The following C12orf75 variants were observed in gnomAD, a reference collection of about 807,000 sequenced individuals.
C12orf75 encodes overexpressed in colon carcinoma 1 protein.
C12orf75 carries 4 observed loss-of-function variants against 11.4 expected under a neutral mutation model. The observed-to-expected ratio is 0.35, with a 90% CI of 0.17 to 0.80. The LOEUF is 0.80. C12orf75 is among the 30% of genes least tolerant of loss of function. C12orf75 has a pLI of 0.52. For synonymous variants in C12orf75, 30 were observed against 30.0 expected (o/e 1.00, Z 0.00); for missense variants, 89 against 80.4 (o/e 1.11, Z -0.41).
At chr12:105,346,355 T>A (rs1892640905) in intron 1 of C12orf75, among the ~76,000 whole-genome samples, 1 of 152,250 alleles carries the variant, frequency 6.6e-6, no homozygotes. Context: ...CTAAATTGAT[T>A]GAGACCTATC....
chr12:105,347,581 C>T (rs1259469741), intron 1 of C12orf75, among the ~76,000 whole-genome samples: 5 of 152,120 alleles, frequency 3.3e-5, no homozygotes, highest in Admixed American at 6.5e-5. Flanking sequence ...CTCTTTCCAC[C>T]TTCTTCTGCC....
chr12:105,370,164 G>A (rs1871587538), intron 5 of C12orf75, among the ~76,000 whole-genome samples: 1 of 152,170 alleles, frequency 6.6e-6, no homozygotes, highest in African/African-American at 2.4e-5. Flanking sequence ...ACTTAGATGT[G>A]CAGACTACTT....
intron 2 of C12orf75, among the ~76,000 whole-genome samples, chr12:105,348,959 C>T (rs537193432): frequency 3.0e-4 from 45 of 152,160 alleles, no homozygotes; most frequent in African/African-American, 1.1e-3. Context: ...GCATGTAGCT[C>T]CTATGACTAC....
At chr12:105,358,085 A>G (rs1412743600) in intron 2 of C12orf75, among the ~76,000 whole-genome samples, 1 of 152,102 alleles carries the variant, frequency 6.6e-6, no homozygotes, top group Non-Finnish European at 1.5e-5. Context: ...TGGGCTCAAG[A>G]TATCTGTCTG....
At chr12:105,335,454 C>A (rs1052134297) in intron 1 of C12orf75, among the ~76,000 whole-genome samples, 35 of 152,180 alleles carry the variant, frequency 2.3e-4, no homozygotes, top group African/African-American at 7.7e-4. Context: ...ACTCCCCTTT[C>A]CCCACAAGTA....
chr12:105,359,422 C>G (rs919280468), intron 2 of C12orf75, among the ~76,000 whole-genome samples: 5 of 152,074 alleles, frequency 3.3e-5, no homozygotes, highest in African/African-American at 9.7e-5. Context: ...TTGTGGGCGT[C>G]TGGGCATTGC....
At chr12:105,364,015 A>C (rs1307450000) in intron 2 of C12orf75, among the ~76,000 whole-genome samples, 2 of 152,352 alleles carry the variant, frequency 1.3e-5, no homozygotes, top group South Asian at 4.1e-4. Flanking sequence ...AAGCACAGTT[A>C]AGCAAAAGGG....
chr12:105,352,753 C>T (rs904687458), intron 2 of C12orf75, among the ~76,000 whole-genome samples: 1 of 152,118 alleles, frequency 6.6e-6, no homozygotes, highest in African/African-American at 2.4e-5. Flanking sequence ...AATAACGATG[C>T]ATGTAAATCC....
chr12:105,368,416 C>T (rs1254791572), intron 5 of C12orf75, among the ~76,000 whole-genome samples: 1 of 152,206 alleles, frequency 6.6e-6, no homozygotes, highest in Non-Finnish European at 1.5e-5. Context: ...CTCTCATTTA[C>T]TAGCTGGGCA....
At chr12:105,350,827 ATCTT>A (rs1160935490) in intron 2 of C12orf75, among the ~76,000 whole-genome samples, 1 of 152,174 alleles carries the variant, frequency 6.6e-6, no homozygotes, top group African/African-American at 2.4e-5. Flanking sequence ...ATTTCATGAC[ATCTT>A]TCTTTTTCTA....
chr12:105,341,950 A>G lies in C12orf75; in HGVS notation c.47-6652A>G, dbSNP rs532573470. 2.6e-5 allele frequency among the ~76,000 whole-genome samples: 4 copies of G among 152,188 alleles called. No individual in the cohort carries two copies. The South Asian group carries it at 8.3e-4, about 32-fold the overall frequency. ...AAGCTCTCTTGCCTGCTGCCATGTA[A>G]GATGTGACTTTGCTCCTCCTTTGTG... is the stretch of plus-strand genomic sequence containing the variant. On this transcript the variant is annotated intron_variant, in intron 1 of 5. Coordinates refer to ENST00000443585, the MANE Select transcript of C12orf75 (RefSeq NM_001145199.2).
chr12:105,357,871 G>A (rs1017118918), intron 2 of C12orf75, among the ~76,000 whole-genome samples: 3 of 151,586 alleles, frequency 2.0e-5, no homozygotes, highest in Non-Finnish European at 2.9e-5. Context: ...CAGACACAGG[G>A]TCTTGCTCTG....
At chr12:105,336,813 T>C (rs1425920628) in intron 1 of C12orf75, among the ~76,000 whole-genome samples, 1 of 152,140 alleles carries the variant, frequency 6.6e-6, no homozygotes, top group Non-Finnish European at 1.5e-5. Flanking sequence ...GGGCAGGTGA[T>C]CAACATACTC....
intron 1 of C12orf75, among the ~76,000 whole-genome samples, chr12:105,333,264 T>C (rs765190122): frequency 2.0e-5 from 3 of 152,168 alleles, no homozygotes; most frequent in Non-Finnish European, 4.4e-5. Flanking sequence ...GTGTTAGGAA[T>C]TTAGGTTCAG....
chr12:105,330,843 G>C lies in C12orf75; in HGVS notation c.-49G>C. 8.0e-7 allele frequency: 1 copy of C among 1,247,954 alleles called. No homozygotes were observed. Among genetic ancestry groups the C allele is most frequent in the Non-Finnish European group, 1.0e-6 (1 of 997,474 alleles). 77.3% of individuals were successfully genotyped at this position (1,247,954 alleles called of 1,614,324 possible). ...CCTTCGTCTGGGTCTCCGCCCCCAGGACCCGCGGCCGAGAGCTCCGGAGCG... is the reference window on the plus strand; with the variant it reads ...CCTTCGTCTGGGTCTCCGCCCCCAGCACCCGCGGCCGAGAGCTCCGGAGCG... On this transcript the variant is annotated 5_prime_UTR_variant, in exon 1 of 6. Coordinates refer to ENST00000443585, the MANE Select transcript of C12orf75 (RefSeq NM_001145199.2).
chr12:105,370,699 G>A lies in C12orf75; in HGVS notation c.*99G>A, dbSNP rs1241381487. The A allele has an allele frequency of 2.2e-6, 1 of 457,548 alleles. No individual in the cohort carries two copies. Among genetic ancestry groups the A allele is most frequent in the Admixed American group, 2.3e-5 (1 of 42,568 alleles). The allele number at this position is 457,548 out of a possible 1,614,324, so 28.3% of individuals were successfully genotyped here. A position where few individuals can be genotyped will look rare whatever the true frequency, so the allele number is the denominator to read the frequency against. On this transcript the variant is annotated 3_prime_UTR_variant, in exon 6 of 6. Transcript: ENST00000443585. ...TTGTAATGTGCACAGACATTTCCAA[G>A]GAAATTCTAAACAGTCACCCTTCCC... is the stretch of plus-strand genomic sequence containing the variant.
At chr12:105,334,108 T>TA (rs1892470978) in intron 1 of C12orf75, among the ~76,000 whole-genome samples, 1 of 152,204 alleles carries the variant, frequency 6.6e-6, no homozygotes, top group South Asian at 2.1e-4. Context: ...CAAGTGGCCA[T>TA]AAGGAGTAGT....
At chr12:105,352,643 AGGAGGCAT>A (rs1892727215) in intron 2 of C12orf75, among the ~76,000 whole-genome samples, 2 of 151,876 alleles carry the variant, frequency 1.3e-5, no homozygotes, top group Admixed American at 6.6e-5. Flanking sequence ...TTTGGCATGG[AGGAGGCAT>A]GGATATTGCT....
chr12:105,334,334 G>A (rs1474031226), intron 1 of C12orf75, among the ~76,000 whole-genome samples: 11 of 152,234 alleles, frequency 7.2e-5, no homozygotes, highest in Admixed American at 7.2e-4. Flanking sequence ...GGAAGATTAA[G>A]CAATTGAGAA....
Sources: gnomAD v4.1 joint callset for allele counts (sites outside exome capture counted in the v4.1 genomes callset) on GRCh38, gnomAD v4.1.1 for gene constraint, MANE v1.5 for transcripts, NCBI Gene and HGNC (gene_info 2026-07-23, HGNC 2026-07-21) for gene names.